Variants in ADGRV1 observed in about 807,000 individuals in gnomAD.
ADGRV1 encodes the protein G-protein coupled receptor 98.
Under a neutral mutation model 596.2 loss-of-function variants are expected in ADGRV1, and 359 were observed. That is an observed-to-expected ratio of 0.60 (90% confidence interval 0.55 to 0.66). The LOEUF (loss-of-function observed/expected upper bound fraction) is 0.66. Ranked by LOEUF, ADGRV1 falls within the 30% of genes least tolerant of loss-of-function variation. The pLI, the probability that ADGRV1 is intolerant of heterozygous loss-of-function variation, is 0.00. For synonymous variants in ADGRV1, 2,681 were observed against 2,679.2 expected (o/e 1.00, Z -0.02); for missense variants, 7,274 against 7,575.6 (o/e 0.96, Z 1.48).
At chr5:90,686,899 C>T (rs1275196629) in intron 29 of ADGRV1, among the ~76,000 whole-genome samples, 5 of 152,150 alleles carry the variant, frequency 3.3e-5, no homozygotes, top group Admixed American at 2.0e-4. Context: ...TTTTTAATGG[C>T]TGCCATTCTA....
intron 34 of ADGRV1, among the ~76,000 whole-genome samples, chr5:90,702,997 CAT>C (rs1285475365): frequency 6.6e-6 from 1 of 151,872 alleles, no homozygotes; most frequent in Non-Finnish European, 1.5e-5. Flanking sequence ...ATTTGAAAGA[CAT>C]GTTATGATTT....
intron 28 of ADGRV1, among the ~76,000 whole-genome samples, chr5:90,685,190 C>T (rs1325370586): frequency 6.8e-6 from 1 of 147,918 alleles, no homozygotes; most frequent in Non-Finnish European, 1.5e-5. Context: ...GTAAGCTACA[C>T]TAGAGCAGGG....
chr5:90,854,064 A>G lies in ADGRV1; in HGVS notation c.17457A>G (p.Val5819=), dbSNP rs1766790621. 1.9e-6 allele frequency: 3 copies of G among 1,573,138 alleles called. No homozygotes were observed. Among genetic ancestry groups the G allele is most frequent in the Non-Finnish European group, 2.6e-6 (3 of 1,153,368 alleles). ...GNNLPTLKNK[V]LSLSVKGQSS... ...ATGTTCTGTTTTTAACATTCTAGGT[A>G]TTATCTTTGAGTGTGAAAGGTCAGA... The change falls in exon 81 of 90, where the codon GTA becomes GTG. Residue 5819 remains valine (V), a splice_region_variant and synonymous_variant. Transcript: ENST00000405460.
At chr5:90,664,453 A>G (rs1315267528) in intron 21 of ADGRV1, among the ~76,000 whole-genome samples, 1 of 151,544 alleles carries the variant, frequency 6.6e-6, no homozygotes, top group Non-Finnish European at 1.5e-5. Flanking sequence ...AGATTTTTGT[A>G]CATTGATTTT....
At chr5:90,907,201 T>C (rs1772408601) in intron 83 of ADGRV1, among the ~76,000 whole-genome samples, 1 of 152,160 alleles carries the variant, frequency 6.6e-6, no homozygotes, top group Non-Finnish European at 1.5e-5. Flanking sequence ...TTCCCAAATA[T>C]AGTTTGGAAA....
At chr5:90,819,723 G>A (rs1435266121) in intron 75 of ADGRV1, among the ~76,000 whole-genome samples, 1 of 151,854 alleles carries the variant, frequency 6.6e-6, no homozygotes, top group Non-Finnish European at 1.5e-5. Flanking sequence ...TAGTTGAGCG[G>A]TTTTGAGTGA....
At chr5:91,035,266 G>A (rs1320104666) in intron 85 of ADGRV1, among the ~76,000 whole-genome samples, 1 of 152,076 alleles carries the variant, frequency 6.6e-6, no homozygotes, top group African/African-American at 2.4e-5. Context: ...CTCACTTTCT[G>A]TTGAAAAGCA....
At chr5:90,645,257 T>G (rs1050810640) in intron 15 of ADGRV1, among the ~76,000 whole-genome samples, 8 of 152,164 alleles carry the variant, frequency 5.3e-5, no homozygotes, top group African/African-American at 1.7e-4. Context: ...TTCTTACAGA[T>G]AGTAAAGAGA....
intron 48 of ADGRV1, among the ~76,000 whole-genome samples, chr5:90,726,087 C>T (rs1751734933): frequency 6.6e-6 from 1 of 152,152 alleles, no homozygotes; most frequent in Admixed American, 6.5e-5. Context: ...CTTAAACTTC[C>T]ATACATGCTT....
At chr5:90,808,850 C>T (rs983062256) in intron 73 of ADGRV1, among the ~76,000 whole-genome samples, 8 of 151,900 alleles carry the variant, frequency 5.3e-5, no homozygotes, top group East Asian at 2.0e-4. Context: ...GAACTGAGAT[C>T]GCGCCACAGT....
chr5:90,734,182 G>A (rs1330534067), intron 50 of ADGRV1, among the ~76,000 whole-genome samples: 1 of 152,110 alleles, frequency 6.6e-6, no homozygotes, highest in Non-Finnish European at 1.5e-5. Context: ...TAGATATATA[G>A]TTTGAGTTCA....
Position 90,712,283 on chromosome 5 carries a change from C to A in ADGRV1, c.9043-4C>A, listed in dbSNP as rs760145754. ...ATACATTCTGCTTTTACCTTTTTGA[C>A]CAGATTCTTCATTTTGCTGATGGAG... is the stretch of plus-strand genomic sequence containing the variant. On this transcript the variant is annotated splice_region_variant and splice_polypyrimidine_tract_variant and intron_variant, in intron 41 of 89. Transcript: ENST00000405460. 1.3e-6 allele frequency: 2 copies of A among 1,511,096 alleles called. No homozygotes were observed. Among genetic ancestry groups the A allele is most frequent in the Non-Finnish European group, 1.8e-6 (2 of 1,120,218 alleles). The allele number at this position is 1,511,096 out of a possible 1,614,324, so 93.6% of individuals were successfully genotyped here.
At chr5:90,676,952 A>G (rs936969967) in intron 25 of ADGRV1, 3 of 152,240 alleles carry the variant, frequency 2.0e-5, no homozygotes, top group Non-Finnish European at 4.4e-5. Flanking sequence ...AAGTGAGGCT[A>G]TTGATAATAT....
chr5:90,587,575 T>A (rs200248632), intron 1 of ADGRV1, among the ~76,000 whole-genome samples: 1 of 110,578 alleles, frequency 9.0e-6, no homozygotes, highest in Non-Finnish European at 1.9e-5. Context: ...TTTTTTTTTT[T>A]AAATGGAGTC....
chr5:90,618,363 C>T (rs1561393768), intron 3 of ADGRV1, among the ~76,000 whole-genome samples: 1 of 152,116 alleles, frequency 6.6e-6, no homozygotes, highest in East Asian at 1.9e-4. Context: ...CAGAGTACCG[C>T]TGGGAGAAAA....
At chr5:90,888,643 T>C (rs1329288558) in intron 83 of ADGRV1, among the ~76,000 whole-genome samples, 1 of 152,160 alleles carries the variant, frequency 6.6e-6, no homozygotes, top group African/African-American at 2.4e-5. Context: ...TTTTTATCAT[T>C]GTACTGCAGA....
chr5:90,910,558 T>C (rs564733156), intron 83 of ADGRV1, among the ~76,000 whole-genome samples: 56 of 26,754 alleles, frequency 2.1e-3, no homozygotes, highest in Non-Finnish European at 5.2e-3. Flanking sequence ...ATATTATCTA[T>C]CTATCTATCT....
At chr5:90,610,261 A>G (rs1762582579) in intron 1 of ADGRV1, among the ~76,000 whole-genome samples, 1 of 152,038 alleles carries the variant, frequency 6.6e-6, no homozygotes, top group African/African-American at 2.4e-5. Flanking sequence ...CTTATGGGCT[A>G]CGTAATCCAG....
At chr5:90,848,357 A>G (rs1213901258) in intron 78 of ADGRV1, among the ~76,000 whole-genome samples, 1 of 152,202 alleles carries the variant, frequency 6.6e-6, no homozygotes, top group Non-Finnish European at 1.5e-5. Flanking sequence ...AGTTAAAATT[A>G]AATAATCTGT....
Sources: allele counts gnomAD v4.1 joint callset (sites outside exome capture counted in the v4.1 genomes callset), GRCh38; gene constraint gnomAD v4.1.1; transcripts MANE v1.5; gene names NCBI Gene and HGNC (gene_info 2026-07-23, HGNC 2026-07-21).